ZNF658: variants seen among roughly 807,000 people sequenced by gnomAD.
The protein encoded by ZNF658 is zinc finger protein 658.
ZNF658 carries 46 observed loss-of-function variants against 78.0 expected under a neutral mutation model. The observed-to-expected ratio is 0.59, with a 90% CI of 0.47 to 0.75. The LOEUF (loss-of-function observed/expected upper bound fraction) is 0.75. Among genes scored for constraint, ZNF658 ranks in the 30% least tolerant of loss-of-function variants. The probability of loss-of-function intolerance (pLI) is 0.00; values close to 1 mark genes in which losing one functional copy is unlikely to be tolerated. For missense variants in ZNF658, 785 were observed against 1,189.3 expected (o/e 0.66, Z 5.00); for synonymous variants, 279 against 408.4 (o/e 0.68, Z 3.82).
At chr9:66,912,956 G>A (rs1379698771) in intron 4 of ZNF658, among the ~76,000 whole-genome samples, 9 of 152,034 alleles carry the variant, frequency 5.9e-5, no homozygotes, top group Admixed American at 1.3e-4. Flanking sequence ...GCTGAGGCAC[G>A]AGAATTGCTT....
At chr9:66,928,678 C>T (rs983063946) in intron 6 of ZNF658, among the ~76,000 whole-genome samples, 2 of 145,858 alleles carry the variant, frequency 1.4e-5, no homozygotes. Context: ...CGGTGAAACC[C>T]CATCTCTACT....
intron 1 of ZNF658, chr9:66,902,856 T>A (rs1166021844): frequency 6.6e-6 from 1 of 152,038 alleles, no homozygotes; most frequent in Non-Finnish European, 1.5e-5. Context: ...TAGTTCTTTT[T>A]TAAAAAAAAT....
intron 6 of ZNF658, among the ~76,000 whole-genome samples, chr9:66,929,137 A>T (rs1822615438): frequency 6.6e-6 from 1 of 151,596 alleles, no homozygotes. Flanking sequence ...ATGAAAAATC[A>T]TTTTGCTTGA....
intron 4 of ZNF658, among the ~76,000 whole-genome samples, chr9:66,916,134 C>T (rs1165552663): frequency 6.6e-6 from 1 of 151,806 alleles, no homozygotes; most frequent in African/African-American, 2.4e-5. Context: ...GTGATCCACA[C>T]ACCTCAGCCT....
chr9:66,908,698 T>A lies in ZNF658; in HGVS notation c.202T>A (p.Ser68Thr), dbSNP rs757877489. The change falls in exon 4 of 5, where the codon TCT (serine) becomes ACT (threonine). Residue 68 changes from serine to threonine, a missense_variant. This residue lies in a region of ZNF658 where 79 missense variants were observed against 96.5 expected (regional missense o/e 0.82). Transcript: ENST00000621410. ...SKLEKGEEPWSLEDEFLNQRY... is the reference protein window; with the variant it reads ...SKLEKGEEPWTLEDEFLNQRY... The stretch of plus-strand genomic sequence containing the variant: ...GTTGGAGAAAGGAGAAGAGCCATGG[T>A]CTTTAGAAGATGAATTCCTGAACCA... The A allele has an allele frequency of 2.5e-6, 4 of 1,607,684 alleles. No homozygotes were observed. In the Admixed American group the frequency reaches 5.2e-5, roughly 21 times the overall value.
At chr9:66,902,788 C>T (rs188815152) in intron 1 of ZNF658, 40 of 152,272 alleles carry the variant, frequency 2.6e-4, no homozygotes, top group African/African-American at 6.7e-4. Context: ...TTATTTTTTC[C>T]GTGGAAGTGC....
chr9:66,918,926 A>C lies in ZNF658; in HGVS notation c.1360A>C (p.Asn454His). The change falls in exon 5 of 5, where the codon AAC (asparagine) becomes CAC (histidine). Residue 454 changes from asparagine (N) to histidine (H), a missense_variant. Physicochemically the swap from Asn to His is moderately conservative, Grantham distance 68. This residue lies in a region of ZNF658 where 393 missense variants were observed against 400.2 expected (regional missense o/e 0.98). Transcript: ENST00000621410. The stretch of plus-strand genomic sequence containing the variant: ...TGGGAAAGCTTTCTGTCAGAATTCA[A>C]ACCTCAGTAAACATCTGAGAATTCA... ...ECGKAFCQNS[N>H]LSKHLRIHTK... 3.3e-6 allele frequency: 5 copies of C among 1,526,516 alleles called. No individual in the cohort carries two copies. The highest frequency in any genetic ancestry group is 4.4e-6 in the Non-Finnish European group (5 of 1,123,658). The allele number at this position is 1,526,516 out of a possible 1,614,324, so 94.6% of individuals were successfully genotyped here. A position where few individuals can be genotyped will look rare whatever the true frequency, so the allele number is the denominator to read the frequency against.
intron 6 of ZNF658, among the ~76,000 whole-genome samples, chr9:66,929,866 C>T (rs1224489974): frequency 5.3e-5 from 7 of 132,342 alleles, no homozygotes; most frequent in Non-Finnish European, 1.1e-4. Context: ...TCGCTGCAAC[C>T]TTCGCCTCCC....
chr9:66,908,581 T>C (rs1030586159), intron 3 of ZNF658, 58 bp from the exon 4 acceptor site: 8 of 1,537,460 alleles, frequency 5.2e-6, no homozygotes, highest in Admixed American at 4.7e-5. Context: ...TATCTTTTTT[T>C]CCCTTTGGAA....
intron 4 of ZNF658, among the ~76,000 whole-genome samples, chr9:66,909,519 T>C (rs1429369729): frequency 6.6e-6 from 1 of 151,186 alleles, no homozygotes; most frequent in African/African-American, 2.4e-5. Context: ...ATAATGCTAA[T>C]ATAAACATTT....
At chr9:66,908,996 A>G (rs1184443402) in intron 4 of ZNF658, among the ~76,000 whole-genome samples, 1 of 152,240 alleles carries the variant, frequency 6.6e-6, no homozygotes, top group Non-Finnish European at 1.5e-5. Flanking sequence ...ACAACTATGT[A>G]CATGGCATTT....
At position 66,918,426 on chromosome 9, in the gene ZNF658, A is replaced by T; in HGVS notation, c.860A>T (p.Tyr287Phe). ...TSCDKTTAVE[Y>F]NKVHMAMTHY... ...TGTGACAAAACCACCGCTGTTGAATACAATAAAGTTCACATGGCTATGACA... is the reference window on the plus strand; with the variant it reads ...TGTGACAAAACCACCGCTGTTGAATTCAATAAAGTTCACATGGCTATGACA... The change falls in exon 5 of 5, where the codon TAC (tyrosine) becomes TTC (phenylalanine). Residue 287 changes from tyrosine to phenylalanine, a missense_variant. Tyr to Phe is a conservative substitution (Grantham distance 22). Around this residue, in one of 12 missense-constraint regions of ZNF658, gnomAD observed 393 missense variants for 400.2 expected, o/e 0.98. Coordinates refer to ENST00000621410, the MANE Select transcript of ZNF658 (RefSeq NM_033160.7). 1.2e-6 allele frequency: 2 copies of T among 1,612,644 alleles called. No individual in the cohort carries two copies. The highest frequency in any genetic ancestry group is 1.7e-5 in the Admixed American group (1 of 59,998).
rs561684293 is a variant in ZNF658 at position 66,913,541 on chromosome 9, G to A, written c.239-4264G>A. ...GGCAGTGATGCTGCACCTCACTCCC[G>A]CTAGTATAACTTCAGAGGAGGCTCA... On this transcript the variant is annotated intron_variant, in intron 4 of 4. Transcript: ENST00000621410. Among the ~76,000 whole-genome samples the A allele has an allele frequency of 2.3e-3, 356 of 152,176 alleles. 4 individuals are homozygous for A. Among genetic ancestry groups the A allele is most frequent in the Middle Eastern group, 6.8e-3 (2 of 294 alleles).
In ZNF658 at chr9:66,920,947, A is replaced by C. The variant is rs1822512030; in HGVS notation, c.*201A>C. Reference sequence around the variant, plus strand: ...TACATTTACCCTTGGCCCTTAAAAAAAAAAAAGAAAAACCCTCACAGTCTT... The same window carrying C: ...TACATTTACCCTTGGCCCTTAAAAACAAAAAAGAAAAACCCTCACAGTCTT... On this transcript the variant is annotated 3_prime_UTR_variant, in exon 5 of 5. Coordinates refer to ENST00000621410, the MANE Select transcript of ZNF658 (RefSeq NM_033160.7). 3.0e-6 allele frequency: 2 copies of C among 659,212 alleles called. No individual in the cohort carries two copies. Among genetic ancestry groups the C allele is most frequent in the Admixed American group, 3.0e-5 (1 of 33,730 alleles). The allele number at this position is 659,212 out of a possible 1,614,324, so 40.8% of individuals were successfully genotyped here.
chr9:66,907,447 A>T (rs1034942837), intron 2 of ZNF658, among the ~76,000 whole-genome samples: 10 of 152,068 alleles, frequency 6.6e-5, no homozygotes, highest in Non-Finnish European at 1.3e-4. Context: ...CAATAGCTCA[A>T]AAACTATTCC....
intron 4 of ZNF658, among the ~76,000 whole-genome samples, chr9:66,910,325 T>C (rs1301933336): frequency 6.6e-6 from 1 of 151,990 alleles, no homozygotes; most frequent in African/African-American, 2.4e-5. Context: ...AAAAGTAAAA[T>C]CATCTTATTA....
At chr9:66,907,133 T>C (rs968295220) in intron 2 of ZNF658, among the ~76,000 whole-genome samples, 7 of 151,664 alleles carry the variant, frequency 4.6e-5, no homozygotes, top group Admixed American at 4.6e-4. Flanking sequence ...TTGTTTTTGG[T>C]TCTTTTCTTT....
At chr9:66,930,746 C>T (rs1433904701) in intron 6 of ZNF658, among the ~76,000 whole-genome samples, 2 of 151,618 alleles carry the variant, frequency 1.3e-5, no homozygotes, top group South Asian at 4.2e-4. Flanking sequence ...GCTGGGTTTT[C>T]TTTCCTTTTC....
intron 6 of ZNF658, among the ~76,000 whole-genome samples, chr9:66,931,510 A>T (rs1197470761): frequency 2.0e-5 from 3 of 152,110 alleles, no homozygotes; most frequent in Admixed American, 2.0e-4. Context: ...TAGTAGAACC[A>T]TAGAACATTT....
Sources: allele counts gnomAD v4.1 joint callset (sites outside exome capture counted in the v4.1 genomes callset), GRCh38; gene constraint gnomAD v4.1.1; regional missense constraint gnomAD v4.1.1; transcripts MANE v1.5; gene names NCBI Gene and HGNC (gene_info 2026-07-23, HGNC 2026-07-21).